Variants in NTNG2 observed in about 807,000 individuals in gnomAD.
NTNG2 encodes the protein netrin-G2.
In NTNG2, 15 loss-of-function variants were observed where a neutral mutation model predicts 47.6. The ratio of observed to expected loss-of-function variants is 0.32; its 90% CI spans 0.21 to 0.49. NTNG2 has a LOEUF of 0.49. Ranked by LOEUF, NTNG2 falls within the 20% of genes least tolerant of loss-of-function variation. The probability of loss-of-function intolerance (pLI) is 0.99; values close to 1 mark genes in which losing one functional copy is unlikely to be tolerated. For synonymous variants in NTNG2, 307 were observed against 324.6 expected, an observed-to-expected ratio of 0.95 and a Z score of 0.58; for missense variants, 578 against 764.6, an observed-to-expected ratio of 0.76 and a Z score of 2.88.
chr9:132,213,038 G>T (rs2130839795), intron 3 of NTNG2, among the ~76,000 whole-genome samples: 1 of 152,198 alleles, frequency 6.6e-6, no homozygotes, highest in African/African-American at 2.4e-5. Context: ...AGGACTTGAG[G>T]CCGGGCACAA....
At chr9:132,183,112 A>G (rs7872858) in intron 2 of NTNG2, among the ~76,000 whole-genome samples, 51,209 of 152,030 alleles carry the variant, frequency 0.34, 8,950 homozygotes, top group African/African-American at 0.43. Context: ...CGGCTCTCTC[A>G]GAGCCTCTCT....
intron 3 of NTNG2, among the ~76,000 whole-genome samples, chr9:132,213,825 C>T (rs764353349): frequency 2.6e-5 from 4 of 152,156 alleles, no homozygotes; most frequent in Admixed American, 6.5e-5. Flanking sequence ...CAGAGCTCTG[C>T]GAGGCCAGTC....
chr9:132,242,092 C>T lies in NTNG2; in HGVS notation c.1574C>T (p.Ala525Val). 2 of 1,173,698 alleles carry T rather than the reference C, an allele frequency of 1.7e-6. No homozygotes were observed. The highest frequency in any genetic ancestry group is 1.6e-5 in the African/African-American group (1 of 61,830). The allele number at this position is 1,173,698 out of a possible 1,614,324, so 72.7% of individuals were successfully genotyped here. Residue 525 changes from alanine to valine, a missense_variant, in exon 8 of 8, where the codon GCC (alanine) becomes GTC (valine). Transcript: ENST00000393229. This position sits in a 1 kb window ranked among gnomAD's most constrained non-coding sequence, Gnocchi z 5.9. ...GGCTGCCTGCTGCTGCTGGGGCTGG[C>T]CGCCCGCCTGGGCCGCTGAGCCCCG... Reference protein sequence around the residue: ...LLGCLLLLGLAARLGR With the variant: ...LLGCLLLLGLVARLGR
chr9:132,198,748 G>A (rs892474065), intron 3 of NTNG2, 139 bp downstream of exon 3: 16 of 885,138 alleles, frequency 1.8e-5, no homozygotes, highest in African/African-American at 5.1e-5. Context: ...TTCCCTGGGC[G>A]TTACCTGGTA....
chr9:132,225,368 T>C (rs1354347426), intron 3 of NTNG2, among the ~76,000 whole-genome samples: 1 of 152,198 alleles, frequency 6.6e-6, no homozygotes, highest in Non-Finnish European at 1.5e-5. Context: ...ACTCCTGGGC[T>C]CAAGGGATCC....
intron 2 of NTNG2, among the ~76,000 whole-genome samples, chr9:132,188,161 C>T (rs1291953820): frequency 1.3e-5 from 2 of 152,238 alleles, no homozygotes; most frequent in Non-Finnish European, 2.9e-5. Flanking sequence ...TTGCTTCCCC[C>T]GTGCTCGAGT....
At chr9:132,240,683 C>A (rs1841918714) in intron 6 of NTNG2, 1 of 621,446 alleles carries the variant, frequency 1.6e-6, no homozygotes. Context: ...GAAGGTGGGG[C>A]TGGGACGTGT....
intron 2 of NTNG2, among the ~76,000 whole-genome samples, chr9:132,186,773 C>T (rs1477646681): frequency 1.3e-5 from 2 of 152,276 alleles, no homozygotes; most frequent in African/African-American, 2.4e-5. Flanking sequence ...CGCCTCTCCC[C>T]CAGGCAGCGT....
At chr9:132,168,061 G>A (rs768862872) in intron 2 of NTNG2, among the ~76,000 whole-genome samples, 13 of 152,228 alleles carry the variant, frequency 8.5e-5, no homozygotes, top group Non-Finnish European at 1.5e-4. Context: ...GTAAGTGCAC[G>A]CAGATGTTAG....
Position 132,180,498 on chromosome 9 carries a change from G to A in NTNG2, c.213+13454G>A, listed in dbSNP as rs910549393. On this transcript the variant is annotated intron_variant, in intron 2 of 7. Coordinates refer to ENST00000393229, the MANE Select transcript of NTNG2 (RefSeq NM_032536.4). The surrounding 1 kb of genome is among the most constrained non-coding windows in gnomAD (Gnocchi z 4.2). ...ATCCAAAACCTTTGCCCACAGTTCT[G>A]GGGCTGGCACCGTCCTGGGGCTCAG... is the stretch of plus-strand genomic sequence containing the variant. Among the ~76,000 whole-genome samples, 2 of 152,226 alleles carry A rather than the reference G, an allele frequency of 1.3e-5. No individual in the cohort carries two copies. The highest frequency in any genetic ancestry group is 2.9e-5 in the Non-Finnish European group (2 of 68,050).
intron 2 of NTNG2, among the ~76,000 whole-genome samples, chr9:132,193,216 TAGG>T (rs1838029631): frequency 6.6e-6 from 1 of 152,216 alleles, no homozygotes; most frequent in South Asian, 2.1e-4. Context: ...CAACACTCAA[TAGG>T]AGATATGTCA....
At chr9:132,200,328 G>A (rs943305540) in intron 3 of NTNG2, among the ~76,000 whole-genome samples, 1 of 152,086 alleles carries the variant, frequency 6.6e-6, no homozygotes, top group East Asian at 1.9e-4. Context: ...GATCACTGTG[G>A]GCATCTCTCC....
At chr9:132,174,167 C>T (rs1462904470) in intron 2 of NTNG2, among the ~76,000 whole-genome samples, 10 of 138,486 alleles carry the variant, frequency 7.2e-5, no homozygotes, top group South Asian at 4.8e-4. Context: ...ATGAGACGGA[C>T]GGACGGACAG....
chr9:132,232,134 G>C (rs1162805650), intron 5 of NTNG2: 1 of 152,334 alleles, frequency 6.6e-6, no homozygotes, highest in African/African-American at 2.4e-5. Flanking sequence ...GGGCAGCGAG[G>C]CCATCCTGAC....
At chr9:132,193,776 G>A (rs1194227612) in intron 2 of NTNG2, among the ~76,000 whole-genome samples, 3 of 152,120 alleles carry the variant, frequency 2.0e-5, no homozygotes, top group South Asian at 2.1e-4. Context: ...AGTAGCACAC[G>A]AGACCCAGGT....
At chr9:132,225,915 C>A (rs1032887764) in intron 3 of NTNG2, among the ~76,000 whole-genome samples, 1 of 152,154 alleles carries the variant, frequency 6.6e-6, no homozygotes, top group Non-Finnish European at 1.5e-5. Context: ...CCCCTGGTGT[C>A]GTTCAGGGTG....
chr9:132,203,479 A>G (rs769797063), intron 3 of NTNG2, among the ~76,000 whole-genome samples: 10 of 152,214 alleles, frequency 6.6e-5, no homozygotes, highest in Non-Finnish European at 1.3e-4. Context: ...GGCGCCTCAC[A>G]AGACAGTGGA....
In NTNG2 at chr9:132,197,919, C is replaced by T. The variant is rs1471248424; in HGVS notation, c.214-47C>T. The T allele has an allele frequency of 6.4e-7, 1 of 1,556,914 alleles. No individual in the cohort carries two copies. The highest frequency in any genetic ancestry group is 8.7e-7 in the Non-Finnish European group (1 of 1,149,664). ...GCCGCGCAGAGGCTTCCCAGGCCAT[C>T]CCGAGCATCCAGCACCCACCCTTCC... On this transcript the variant is annotated intron_variant, in intron 2 of 7. Coordinates refer to ENST00000393229, the MANE Select transcript of NTNG2 (RefSeq NM_032536.4). This position sits in a 1 kb window ranked among gnomAD's most constrained non-coding sequence, Gnocchi z 4.3.
Position 132,162,274 on chromosome 9 carries a change from G to T in NTNG2, c.-484+35G>T, listed in dbSNP as rs982408718. The T allele has an allele frequency of 6.6e-6, 1 of 152,198 alleles. No homozygotes were observed. Among genetic ancestry groups the T allele is most frequent in the African/African-American group, 2.4e-5 (1 of 41,444 alleles). The allele number at this position is 152,198 out of a possible 1,614,324, so 9.4% of individuals were successfully genotyped here. A position where few individuals can be genotyped will look rare whatever the true frequency, so the allele number is the denominator to read the frequency against. On this transcript the variant is annotated intron_variant, in intron 1 of 7. Coordinates refer to ENST00000393229, the MANE Select transcript of NTNG2 (RefSeq NM_032536.4). The surrounding 1 kb of genome is among the most constrained non-coding windows in gnomAD (Gnocchi z 4.6). ...GCGGGGAGAGCCCGGGAGGCGGGCGGGGGGAGAGGCTGCAGCTTGGCCAGG... is the reference window on the plus strand; with the variant it reads ...GCGGGGAGAGCCCGGGAGGCGGGCGTGGGGAGAGGCTGCAGCTTGGCCAGG...
Sources: gnomAD v4.1 joint callset for allele counts (sites outside exome capture counted in the v4.1 genomes callset) on GRCh38, gnomAD v4.1.1 for gene constraint, Gnocchi (gnomAD v3.1) non-coding constraint, MANE v1.5 for transcripts, NCBI Gene and HGNC (gene_info 2026-07-23, HGNC 2026-07-21) for gene names.